SYNRG: variants seen among roughly 807,000 people sequenced by gnomAD.
SYNRG encodes AP1 gamma subunit binding protein 1.
Under a neutral mutation model 130.9 loss-of-function variants are expected in SYNRG, and 37 were observed. The observed-to-expected ratio is 0.28, with a 90% CI of 0.22 to 0.37. The LOEUF (loss-of-function observed/expected upper bound fraction) is 0.37. SYNRG is among the 10% of genes least tolerant of loss of function. The probability of loss-of-function intolerance (pLI) is 1.00; values close to 1 mark genes in which losing one functional copy is unlikely to be tolerated. For missense variants in SYNRG, 1,338 were observed against 1,588.9 expected (o/e 0.84, Z 2.68); for synonymous variants, 539 against 568.1 (o/e 0.95, Z 0.73).
chr17:37,553,686 A>C lies in SYNRG; in HGVS notation c.2037T>G (p.Tyr679Ter), dbSNP rs2058880322. The change falls in exon 14 of 22, where the codon TAT (tyrosine) becomes TAG (stop). Residue 679 changes from tyrosine to a stop codon, truncating the protein, a stop_gained. Coordinates refer to ENST00000612223, the MANE Select transcript of SYNRG (RefSeq NM_007247.6). LOFTEE classifies it high-confidence loss of function. ...DFGEFSLFGE[Y>*]SGLAPVGEQD... ...GCTCCCCAACAGGTGCTAGACCAGA[A>C]TATTCCCCAAAAAGGCTGAATTCTC... 3 of 1,613,754 alleles carry C rather than the reference A, an allele frequency of 1.9e-6. No individual in the cohort carries two copies. Among genetic ancestry groups the C allele is most frequent in the Non-Finnish European group, 8.5e-7 (1 of 1,179,986 alleles).
At chr17:37,605,837 C>T in intron 1 of SYNRG, 1 of 985,402 alleles carries the variant, frequency 1.0e-6, no homozygotes, top group South Asian at 4.7e-5. Flanking sequence ...TCATCCGTCC[C>T]TCCTTTTCAG....
chr17:37,595,028 C>A (rs939143172), intron 3 of SYNRG, among the ~76,000 whole-genome samples: 1 of 152,166 alleles, frequency 6.6e-6, no homozygotes, highest in Admixed American at 6.5e-5. Flanking sequence ...GGATATGTAT[C>A]ACGAGTGAGG....
chr17:37,539,172 C>A lies in SYNRG; in HGVS notation c.3420+20G>T, dbSNP rs761856042. On this transcript the variant is annotated intron_variant, in intron 17 of 21. Coordinates refer to ENST00000612223, the MANE Select transcript of SYNRG (RefSeq NM_007247.6). ...AAAAGAGCACTCACATATGTGTGAA[C>A]GCGTAAGTGACATACTCACATTCAG... The A allele has an allele frequency of 1.2e-6, 2 of 1,613,532 alleles. No individual in the cohort carries two copies. Among genetic ancestry groups the A allele is most frequent in the South Asian group, 1.1e-5 (1 of 90,928 alleles).
intron 19 of SYNRG, 98 bp from the exon 20 acceptor site, chr17:37,520,746 G>A: frequency 1.1e-6 from 1 of 914,592 alleles, no homozygotes; most frequent in African/African-American, 1.6e-5. Context: ...CTAGCGGCAA[G>A]TACAGTACTC....
intron 6 of SYNRG, among the ~76,000 whole-genome samples, chr17:37,581,704 A>G (rs1285331906): frequency 6.6e-6 from 1 of 151,330 alleles, no homozygotes; most frequent in African/African-American, 2.4e-5. Context: ...CTTCTGCCTC[A>G]GCCTCCTGAG....
Position 37,563,227 on chromosome 17 carries a change from C to T in SYNRG, c.1482-1638G>A, listed in dbSNP as rs564949362. ...TCATCAACCGCTCCAAACATGAAGA[C>T]GGTATTTCTACACTTTCACACTAAT... is the stretch of plus-strand genomic sequence containing the variant. On this transcript the variant is annotated intron_variant, in intron 11 of 21. Transcript: ENST00000612223. Among the ~76,000 whole-genome samples, 8 of 152,266 alleles carry T rather than the reference C, an allele frequency of 5.3e-5. No homozygotes were observed. In the East Asian group the frequency reaches 5.8e-4, roughly 11 times the overall value.
intron 3 of SYNRG, among the ~76,000 whole-genome samples, chr17:37,593,084 G>A (rs2062349170): frequency 6.6e-6 from 1 of 152,064 alleles, no homozygotes; most frequent in Admixed American, 6.5e-5. Flanking sequence ...GGAAGGGAGA[G>A]ATTATAATAA....
intron 19 of SYNRG, among the ~76,000 whole-genome samples, chr17:37,529,538 CAAAAA>C (rs3049513): frequency 4.8e-5 from 6 of 124,628 alleles, no homozygotes; most frequent in African/African-American, 1.9e-4. Flanking sequence ...ATATATTTTA[CAAAAA>C]AAAAAAAAAA....
intron 13 of SYNRG, among the ~76,000 whole-genome samples, chr17:37,558,393 G>T (rs1013699763): frequency 6.6e-6 from 1 of 152,166 alleles, no homozygotes; most frequent in Non-Finnish European, 1.5e-5. Context: ...GTTCCCAGAA[G>T]GAAATTCTCA....
At chr17:37,590,355 G>A (rs1239561593) in intron 3 of SYNRG, among the ~76,000 whole-genome samples, 1 of 151,946 alleles carries the variant, frequency 6.6e-6, no homozygotes, top group Non-Finnish European at 1.5e-5. Flanking sequence ...GAAGATACTG[G>A]CAACACATGT....
intron 15 of SYNRG, 65 bp from the exon 16 acceptor site, chr17:37,540,608 T>G: frequency 1.4e-6 from 2 of 1,409,332 alleles, no homozygotes; most frequent in Non-Finnish European, 1.9e-6. Flanking sequence ...CAGAGGCTCT[T>G]CCTCGCTACC....
rs1179514519 is a variant in SYNRG at position 37,518,384 on chromosome 17, G to T, written c.*556C>A. 6.6e-6 allele frequency: 1 copy of T among 152,318 alleles called. No individual in the cohort carries two copies. 9.4% of individuals were successfully genotyped at this position (152,318 alleles called of 1,614,324 possible). ...TGGTTCAGTTGTGACAACCAAGTGG[G>T]TAAAATCTGCCCTCACCTGCCTGCT... On this transcript the variant is annotated 3_prime_UTR_variant, in exon 22 of 22. Transcript: ENST00000612223.
At chr17:37,567,059 AT>A (rs1246118460) in intron 11 of SYNRG, 2 of 152,258 alleles carry the variant, frequency 1.3e-5, no homozygotes, top group Non-Finnish European at 2.9e-5. Context: ...TATTTAGCTG[AT>A]TTCTGAAATG....
Position 37,553,218 on chromosome 17 carries a change from C to A in SYNRG, c.2505G>T (p.Gln835His), listed in dbSNP as rs548006144. 1.4e-5 allele frequency: 22 copies of A among 1,614,110 alleles called. No homozygotes were observed. The highest frequency in any genetic ancestry group is 5.0e-5 in the Admixed American group (3 of 59,984). The change falls in exon 14 of 22, where the codon CAG becomes CAT. Residue 835 changes from glutamine (Q) to histidine (H), a missense_variant. Gln to His is a conservative substitution (Grantham distance 24). Coordinates refer to ENST00000612223, the MANE Select transcript of SYNRG (RefSeq NM_007247.6). ...KEDSEDALSV[Q>H]FDMKLADVGG... ...CCACATCAGCCAATTTCATGTCAAA[C>A]TGAACAGAGAGTGCATCTTCAGAGT...
chr17:37,521,320 G>A (rs1377025712), intron 19 of SYNRG, among the ~76,000 whole-genome samples: 1 of 152,082 alleles, frequency 6.6e-6, no homozygotes, highest in Non-Finnish European at 1.5e-5. Flanking sequence ...ATAAGCCACC[G>A]TGCCTGGCCT....
chr17:37,574,512 G>C (rs1236097802), intron 8 of SYNRG, among the ~76,000 whole-genome samples: 8 of 152,074 alleles, frequency 5.3e-5, no homozygotes, highest in Non-Finnish European at 1.2e-4. Flanking sequence ...TCTCACAAGG[G>C]ATTAATAACC....
chr17:37,552,593 CTCT>C (rs1346796858), intron 14 of SYNRG, among the ~76,000 whole-genome samples: 1 of 152,182 alleles, frequency 6.6e-6, no homozygotes, highest in East Asian at 1.9e-4. Context: ...AACTCTTTCC[CTCT>C]TCTTCTCTTA....
At chr17:37,528,668 T>C (rs1415047950) in intron 19 of SYNRG, among the ~76,000 whole-genome samples, 1 of 152,246 alleles carries the variant, frequency 6.6e-6, no homozygotes, top group Non-Finnish European at 1.5e-5. Context: ...TTGTATAGTT[T>C]TGTTACAAAT....
chr17:37,519,855 T>C (rs2143550413), intron 21 of SYNRG, among the ~76,000 whole-genome samples: 1 of 152,346 alleles, frequency 6.6e-6, no homozygotes, highest in East Asian at 1.9e-4. Context: ...AATGGCTACA[T>C]CCTGAAGCTC....
Sources: allele counts gnomAD v4.1 joint callset (sites outside exome capture counted in the v4.1 genomes callset), GRCh38; gene constraint gnomAD v4.1.1; transcripts MANE v1.5; gene names NCBI Gene and HGNC (gene_info 2026-07-23, HGNC 2026-07-21).